PAG1: variants seen among roughly 807,000 people sequenced by gnomAD.
The protein encoded by PAG1 is phosphoprotein associated with glycosphingolipid-enriched microdomains 1.
A neutral mutation model predicts 31.7 loss-of-function variants in PAG1; 23 were observed. That is an observed-to-expected ratio of 0.73 (90% CI 0.52 to 1.03). The LOEUF (loss-of-function observed/expected upper bound fraction) is 1.03. PAG1 is among the 50% of genes least tolerant of loss of function. The pLI is 0.00. For missense variants in PAG1, 473 were observed against 540.7 expected (o/e 0.87, Z 1.24); for synonymous variants, 214 against 210.3 (o/e 1.02, Z -0.15).
intron 1 of PAG1, among the ~76,000 whole-genome samples, chr8:81,080,064 C>G (rs1809241203): frequency 6.6e-6 from 1 of 152,142 alleles, no homozygotes; most frequent in African/African-American, 2.4e-5. Context: ...GCCACTGCAC[C>G]TGGCACAAAA....
chr8:81,053,543 G>A (rs1808766295), intron 2 of PAG1, among the ~76,000 whole-genome samples: 1 of 152,180 alleles, frequency 6.6e-6, no homozygotes. Flanking sequence ...TGGGGACTGA[G>A]AATACTAGAA....
intron 2 of PAG1, among the ~76,000 whole-genome samples, chr8:81,031,415 T>C (rs189659536): frequency 5.8e-4 from 88 of 152,332 alleles, no homozygotes; most frequent in African/African-American, 2.0e-3. Context: ...TCCACTCTTT[T>C]ATTAGACTTC....
At chr8:80,980,624 T>C (rs1396519859) in intron 7 of PAG1, 130 bp from the exon 8 acceptor site, 1 of 638,480 alleles carries the variant, frequency 1.6e-6, no homozygotes, top group Admixed American at 2.8e-5. Flanking sequence ...GAAGAAATTA[T>C]GGGAAGAGAA....
intron 4 of PAG1, among the ~76,000 whole-genome samples, chr8:80,992,831 C>T (rs745768271): frequency 1.3e-4 from 20 of 152,154 alleles, no homozygotes; most frequent in Non-Finnish European, 2.1e-4. Context: ...AGGGTGTGAT[C>T]GAAAGAACAG....
chr8:81,027,926 A>G (rs1451674904), intron 3 of PAG1, among the ~76,000 whole-genome samples: 1 of 151,294 alleles, frequency 6.6e-6, no homozygotes, highest in Non-Finnish European at 1.5e-5. Flanking sequence ...AAAAAAAAAA[A>G]AGAATATAGG....
In PAG1 at chr8:81,102,020, G is replaced by T. The variant is rs368998237; in HGVS notation, c.-234+9571C>A. Reference sequence around the variant, plus strand: ...TAAATACAGTAGTGTCAAATCACCTGAACAGAACACTAACTCTATGCCCTG... The same window carrying T: ...TAAATACAGTAGTGTCAAATCACCTTAACAGAACACTAACTCTATGCCCTG... On this transcript the variant is annotated intron_variant, in intron 1 of 8. Transcript: ENST00000220597. 3.9e-5 allele frequency among the ~76,000 whole-genome samples: 6 copies of T among 152,190 alleles called. 1 individual carries two copies. The highest frequency in any genetic ancestry group is 1.4e-4 in the African/African-American group (6 of 41,548).
rs1808275030 is a variant in PAG1 at position 81,026,201 on chromosome 8, T to C, written c.-81+3795A>G. Among the ~76,000 whole-genome samples the C allele has an allele frequency of 1.3e-5, 2 of 151,736 alleles. 1 individual carries two copies. Among genetic ancestry groups the C allele is most frequent in the South Asian group, 4.2e-4 (2 of 4,796 alleles). Reference sequence around the variant, plus strand: ...CTGTAGGTACAATATGAGTGTTTGTTAAATAAAATAGTATCATTCACCTAT... The same window carrying C: ...CTGTAGGTACAATATGAGTGTTTGTCAAATAAAATAGTATCATTCACCTAT... On this transcript the variant is annotated intron_variant, in intron 3 of 8. Coordinates refer to ENST00000220597, the MANE Select transcript of PAG1 (RefSeq NM_018440.4).
intron 2 of PAG1, among the ~76,000 whole-genome samples, chr8:81,032,639 G>A (rs1327319470): frequency 2.6e-5 from 4 of 152,166 alleles, no homozygotes; most frequent in African/African-American, 4.8e-5. Flanking sequence ...GTAAAATAAC[G>A]CAGCTGCTTT....
chr8:80,980,038 G>A (rs543792365), intron 8 of PAG1, among the ~76,000 whole-genome samples: 2 of 151,724 alleles, frequency 1.3e-5, no homozygotes, highest in Admixed American at 6.6e-5. Flanking sequence ...TCCCAGGCTG[G>A]AGCAAATTCC....
rs1008470806 is a variant in PAG1, at chr8:80,973,281, C to A, written c.*3263G>T. ...AATTTAAGATTTCCTCAAATATTTT[C>A]TTTTCTATATAGCGTTTTGTTCTTG... is the stretch of plus-strand genomic sequence containing the variant. On this transcript the variant is annotated 3_prime_UTR_variant, in exon 9 of 9. Transcript: ENST00000220597. 1.3e-5 allele frequency: 2 copies of A among 152,028 alleles called. No individual in the cohort carries two copies. The highest frequency in any genetic ancestry group is 1.3e-4 in the Admixed American group (2 of 15,266). The allele number at this position is 152,028 out of a possible 1,614,324, so 9.4% of individuals were successfully genotyped here.
At chr8:81,012,857 G>A (rs1012568408) in intron 3 of PAG1, among the ~76,000 whole-genome samples, 41 of 152,242 alleles carry the variant, frequency 2.7e-4, no homozygotes, top group African/African-American at 9.1e-4. Flanking sequence ...AAAGTCTAAC[G>A]ATAATGCAAA....
chr8:80,981,314 G>A (rs536864562), intron 7 of PAG1, among the ~76,000 whole-genome samples: 1 of 151,870 alleles, frequency 6.6e-6, no homozygotes, highest in East Asian at 1.9e-4. Flanking sequence ...TTCAAAGTCT[G>A]CCCTTCTCCT....
intron 5 of PAG1, among the ~76,000 whole-genome samples, chr8:80,991,140 CA>C (rs1243259444): frequency 6.6e-6 from 1 of 152,238 alleles, no homozygotes; most frequent in East Asian, 1.9e-4. Context: ...CCCTCAGAAG[CA>C]ACCAATCCTG....
intron 1 of PAG1, among the ~76,000 whole-genome samples, chr8:81,072,244 A>G (rs941199387): frequency 3.3e-5 from 5 of 152,204 alleles, no homozygotes; most frequent in Non-Finnish European, 7.3e-5. Context: ...AACTTGTTCC[A>G]ACCTCCTGTC....
chr8:81,047,501 G>A (rs1469702185), intron 2 of PAG1, among the ~76,000 whole-genome samples: 1 of 152,096 alleles, frequency 6.6e-6, no homozygotes, highest in Non-Finnish European at 1.5e-5. Flanking sequence ...TTTGAGAAAA[G>A]TCTTTATTTT....
chr8:80,996,274 A>T (rs1036263519), intron 3 of PAG1, among the ~76,000 whole-genome samples: 1 of 152,136 alleles, frequency 6.6e-6, no homozygotes, highest in African/African-American at 2.4e-5. Flanking sequence ...GGCCTGGCAG[A>T]GTGTGTGAGT....
At chr8:81,089,657 T>C (rs1417686304) in intron 1 of PAG1, among the ~76,000 whole-genome samples, 1 of 152,182 alleles carries the variant, frequency 6.6e-6, no homozygotes, top group East Asian at 1.9e-4. Context: ...ATTATCTTTA[T>C]TGGATTGTAC....
At chr8:81,085,018 A>G (rs1187057438) in intron 1 of PAG1, among the ~76,000 whole-genome samples, 1 of 152,250 alleles carries the variant, frequency 6.6e-6, no homozygotes, top group East Asian at 1.9e-4. Context: ...CAAGAAATGT[A>G]TAAATACAAA....
At chr8:80,977,848 T>C (rs1563613248) in intron 8 of PAG1, among the ~76,000 whole-genome samples, 1 of 152,238 alleles carries the variant, frequency 6.6e-6, no homozygotes, top group Non-Finnish European at 1.5e-5. Flanking sequence ...TATTTTATTG[T>C]GAAAAATCAC....
Sources: gnomAD v4.1 joint callset for allele counts (sites outside exome capture counted in the v4.1 genomes callset) on GRCh38, gnomAD v4.1.1 for gene constraint, MANE v1.5 for transcripts, NCBI Gene and HGNC (gene_info 2026-07-23, HGNC 2026-07-21) for gene names.